The following C2orf76 variants were observed in gnomAD, a reference collection of about 807,000 sequenced individuals.
C2orf76 encodes the protein UPF0538 protein C2orf76.
A neutral mutation model predicts 16.9 loss-of-function variants in C2orf76; 23 were observed. The ratio of observed to expected loss-of-function variants is 1.36; its 90% CI spans 0.98 to 1.93. C2orf76 has a LOEUF of 1.93. Ranked by LOEUF, C2orf76 falls within the 30% of genes most tolerant of loss-of-function variation. C2orf76 has a pLI of 0.00. For missense variants in C2orf76, 152 were observed against 152.6 expected, an observed-to-expected ratio of 1.00 and a Z score of 0.02; for synonymous variants, 48 against 52.3, an observed-to-expected ratio of 0.92 and a Z score of 0.35.
chr2:119,302,167 C>G (rs1365950313), downstream of C2orf76: 1 of 188,674 alleles, frequency 5.3e-6, no homozygotes, highest in Non-Finnish European at 1.1e-5. Flanking sequence ...ATGCAAGTCA[C>G]AAAAATAATT....
chr2:119,320,580 G>C (rs970086399), intron 3 of C2orf76, among the ~76,000 whole-genome samples: 1 of 151,922 alleles, frequency 6.6e-6, no homozygotes, highest in Non-Finnish European at 1.5e-5. Context: ...AGAATGAAAA[G>C]CCACTCCAAA....
At chr2:119,315,495 G>A (rs1448493427) in intron 4 of C2orf76, among the ~76,000 whole-genome samples, 1 of 152,146 alleles carries the variant, frequency 6.6e-6, no homozygotes. Flanking sequence ...AAAATGAAAG[G>A]ACAACAATAA....
chr2:119,325,517 G>A (rs1679482835), intron 2 of C2orf76, among the ~76,000 whole-genome samples: 1 of 151,416 alleles, frequency 6.6e-6, no homozygotes, highest in Admixed American at 6.6e-5. Flanking sequence ...TACTCAGGAG[G>A]CTGAAGCAGG....
At chr2:119,297,930 T>A (rs572319561), downstream of C2orf76, among the ~76,000 whole-genome samples, 2 of 152,294 alleles carry the variant, frequency 1.3e-5, no homozygotes, top group African/African-American at 4.8e-5. Context: ...CCTGATGGAT[T>A]TTTTCTGCTT....
At chr2:119,298,529 G>A (rs1234690237), downstream of C2orf76, among the ~76,000 whole-genome samples, 1 of 151,280 alleles carries the variant, frequency 6.6e-6, no homozygotes, top group South Asian at 2.1e-4. Context: ...TCTAGCCTAC[G>A]TTTTGTTTTT....
At position 119,336,722 on chromosome 2, in the gene C2orf76, G is replaced by A. The variant is rs981214297; in HGVS notation, c.133+3105C>T. On this transcript the variant is annotated intron_variant, in intron 2 of 5. Transcript: ENST00000334816. ...AAGAAAGAAAGAAAGGCAATAAAGT[G>A]TGTAAAATAACTCCAAGAGATCTTT... Among the ~76,000 whole-genome samples, 8 of 152,054 alleles carry A rather than the reference G, an allele frequency of 5.3e-5. No individual in the cohort carries two copies. In the South Asian group the frequency reaches 1.0e-3, roughly 20 times the overall value.
intron 1 of C2orf76, among the ~76,000 whole-genome samples, chr2:119,355,461 C>T (rs183769954): frequency 6.6e-6 from 1 of 152,306 alleles, no homozygotes; most frequent in African/African-American, 2.4e-5. Context: ...GCTTGCAGCC[C>T]TTTATAAAGA....
intron 1 of C2orf76, among the ~76,000 whole-genome samples, chr2:119,354,613 T>G (rs760752003): frequency 5.3e-5 from 8 of 152,342 alleles, no homozygotes; most frequent in African/African-American, 1.7e-4. Context: ...TTGGCATTTT[T>G]TTGTTGTTGT....
At chr2:119,350,592 C>A (rs1680368560) in intron 1 of C2orf76, among the ~76,000 whole-genome samples, 1 of 152,204 alleles carries the variant, frequency 6.6e-6, no homozygotes, top group Non-Finnish European at 1.5e-5. Flanking sequence ...ATCAGAGCAG[C>A]CCAGCACCCT....
chr2:119,339,537 T>C (rs1261791317), intron 2 of C2orf76, among the ~76,000 whole-genome samples: 1 of 144,140 alleles, frequency 6.9e-6, no homozygotes, highest in African/African-American at 2.6e-5. Flanking sequence ...TCCAAATACA[T>C]AACCCCATTA....
chr2:119,348,380 T>C (rs964114613), intron 1 of C2orf76, among the ~76,000 whole-genome samples: 10 of 152,210 alleles, frequency 6.6e-5, no homozygotes, highest in African/African-American at 2.4e-4. Context: ...GGCCATGACA[T>C]ACCAGTGAGT....
chr2:119,327,568 A>C (rs1054284522), intron 2 of C2orf76, among the ~76,000 whole-genome samples: 3 of 151,886 alleles, frequency 2.0e-5, no homozygotes, highest in Admixed American at 6.6e-5. Flanking sequence ...CTCCTCTATT[A>C]GTTCACGTGA....
chr2:119,346,054 C>CA (rs56669262), intron 1 of C2orf76, among the ~76,000 whole-genome samples: 3,486 of 72,852 alleles, frequency 0.048, 153 homozygotes, highest in Non-Finnish European at 0.076. Context: ...GACGCCATCT[C>CA]AAAAAAAAAA....
At chr2:119,286,708 C>T in the C2orf76 span, among the ~76,000 whole-genome samples, 3 of 151,882 alleles carry the variant, frequency 2.0e-5, no homozygotes, top group Non-Finnish European at 2.9e-5. Context: ...ACTCTGGCAG[C>T]GGCATGAAGG....
intron 1 of C2orf76, among the ~76,000 whole-genome samples, chr2:119,352,743 T>C (rs1680443526): frequency 2.0e-5 from 3 of 152,232 alleles, no homozygotes; most frequent in Admixed American, 2.0e-4. Context: ...CTAAATTGAA[T>C]TTGTCAAAAG....
At chr2:119,351,079 C>T (rs1289316548) in intron 1 of C2orf76, among the ~76,000 whole-genome samples, 1 of 152,168 alleles carries the variant, frequency 6.6e-6, no homozygotes, top group African/African-American at 2.4e-5. Flanking sequence ...ACCACTGCTC[C>T]TAGGGGAACT....
chr2:119,307,958 C>T (rs1678851639), intron 5 of C2orf76, among the ~76,000 whole-genome samples: 2 of 152,174 alleles, frequency 1.3e-5, no homozygotes, highest in Admixed American at 6.5e-5. Flanking sequence ...ACTCCGGATG[C>T]CTTCATTGTT....
chr2:119,317,584 C>T, intron 3 of C2orf76, 81 bp from the exon 4 acceptor site: 2 of 1,142,930 alleles, frequency 1.7e-6, no homozygotes, highest in East Asian at 2.5e-5. Context: ...TGGAGGGTGG[C>T]TACGAAATTG....
chr2:119,365,529 G>A (rs1335435633), intron 1 of C2orf76, among the ~76,000 whole-genome samples: 3 of 152,170 alleles, frequency 2.0e-5, no homozygotes, highest in African/African-American at 7.2e-5. Flanking sequence ...AAGTTAGCAA[G>A]TTAAGTCTGA....
Sources: gnomAD v4.1 joint callset for allele counts (sites outside exome capture counted in the v4.1 genomes callset) on GRCh38, gnomAD v4.1.1 for gene constraint, MANE v1.5 for transcripts, NCBI Gene and HGNC (gene_info 2026-07-23, HGNC 2026-07-21) for gene names.